Variants in CRLS1 observed in about 807,000 individuals in gnomAD.
CRLS1 encodes cardiolipin synthase 1.
Under a neutral mutation model 37.0 loss-of-function variants are expected in CRLS1, and 24 were observed. The ratio of observed to expected loss-of-function variants is 0.65; its 90% confidence interval spans 0.47 to 0.91. CRLS1 has a LOEUF of 0.91. Ranked by LOEUF, CRLS1 falls within the 40% of genes least tolerant of loss-of-function variation. The pLI, the probability that CRLS1 is intolerant of heterozygous loss-of-function variation, is 0.00. For missense variants in CRLS1, 373 were observed against 395.8 expected (o/e 0.94, Z 0.49); for synonymous variants, 135 against 159.7 (o/e 0.85, Z 1.17).
intron 1 of CRLS1, chr20:6,006,844 G>T (rs1398767429): frequency 1.0e-6 from 1 of 982,952 alleles, no homozygotes; most frequent in Non-Finnish European, 1.2e-6. Context: ...GGTAGCCTTC[G>T]CTTGTCTTAC....
chr20:6,008,816 A>G (rs2090094052), intron 1 of CRLS1, among the ~76,000 whole-genome samples: 2 of 152,216 alleles, frequency 1.3e-5, no homozygotes, highest in Admixed American at 1.3e-4. Flanking sequence ...TCTTTGCAGT[A>G]TTTAAAGCTG....
chr20:6,020,783 C>A (rs186409952), intron 3 of CRLS1, among the ~76,000 whole-genome samples: 41 of 144,774 alleles, frequency 2.8e-4, no homozygotes, highest in Non-Finnish European at 5.4e-4. Flanking sequence ...CCACCACGCC[C>A]GGCTAATTTT....
chr20:6,039,645 A>G lies in CRLS1; in HGVS notation c.*2487A>G, dbSNP rs1980834444. The stretch of plus-strand genomic sequence containing the variant: ...CACGTTCAAACCCCCAGTACTGTAC[A>G]TGTGACCTTATTTGGAAATAGGGTC... On this transcript the variant is annotated 3_prime_UTR_variant, in exon 7 of 7. Coordinates refer to ENST00000378863, the MANE Select transcript of CRLS1 (RefSeq NM_019095.6). 3 of 152,036 alleles carry G rather than the reference A, an allele frequency of 2.0e-5. No homozygotes were observed. The East Asian group carries it at 5.8e-4, about 29-fold the overall frequency. The allele number at this position is 152,036 out of a possible 1,614,324, so 9.4% of individuals were successfully genotyped here.
chr20:6,007,299 ACTC>A, intron 1 of CRLS1: 1 of 1,574,916 alleles, frequency 6.3e-7, no homozygotes, highest in Non-Finnish European at 8.6e-7. Context: ...AGGGGTCTCA[ACTC>A]CACTGATAGC....
At chr20:6,027,152 C>A (rs146161497) in intron 3 of CRLS1, among the ~76,000 whole-genome samples, 1 of 148,850 alleles carries the variant, frequency 6.7e-6, no homozygotes, top group African/African-American at 2.5e-5. Flanking sequence ...GGCGCTATCT[C>A]GGCTCACTGC....
intron 3 of CRLS1, 93 bp downstream of exon 3, chr20:6,015,583 C>A: frequency 7.8e-7 from 1 of 1,276,184 alleles, no homozygotes; most frequent in Admixed American, 1.7e-5. Context: ...AATTTTTGTT[C>A]CAAAAATATA....
chr20:6,026,796 G>A (rs1203860252), intron 3 of CRLS1, among the ~76,000 whole-genome samples: 1 of 152,150 alleles, frequency 6.6e-6, no homozygotes. Context: ...GGTTTTGGGA[G>A]CTAAGCTGTG....
chr20:6,023,807 A>C (rs1055522383), intron 3 of CRLS1, among the ~76,000 whole-genome samples: 4 of 151,892 alleles, frequency 2.6e-5, no homozygotes, highest in Admixed American at 2.0e-4. Context: ...CTATACATAC[A>C]TGCACATACC....
At position 6,015,445 on chromosome 20, in the gene CRLS1, A is replaced by G. The variant is rs769793707; in HGVS notation, c.529A>G (p.Ile177Val). 4.3e-6 allele frequency: 7 copies of G among 1,612,872 alleles called. No individual in the cohort carries two copies. Among genetic ancestry groups the G allele is most frequent in the Non-Finnish European group, 5.9e-6 (7 of 1,179,088 alleles). Residue 177 changes from isoleucine to valine, a missense_variant, in exon 3 of 7, where the codon ATC (isoleucine) becomes GTC (valine). Transcript: ENST00000378863. ...ALDPLADKIL[I>V]SILYVSLTYA... The stretch of plus-strand genomic sequence containing the variant: ...TGATCCACTTGCTGATAAAATACTT[A>G]TCAGTATCTTATATGTTAGCTTGAC...
chr20:6,015,553 A>T lies in CRLS1; in HGVS notation c.574+63A>T, dbSNP rs775534463. ...GAAGAATGACATTAGTCAGCTTAGG[A>T]TTTCTCTTGAGAGACAAATAATTTT... is the stretch of plus-strand genomic sequence containing the variant. On this transcript the variant is annotated intron_variant, in intron 3 of 6. Coordinates refer to ENST00000378863, the MANE Select transcript of CRLS1 (RefSeq NM_019095.6). 4.6e-6 allele frequency: 7 copies of T among 1,506,190 alleles called. No individual in the cohort carries two copies. In the South Asian group the frequency reaches 7.9e-5, roughly 17 times the overall value. 93.3% of individuals were successfully genotyped at this position (1,506,190 alleles called of 1,614,324 possible).
At chr20:6,024,137 A>G (rs1979490280) in intron 3 of CRLS1, among the ~76,000 whole-genome samples, 1 of 152,028 alleles carries the variant, frequency 6.6e-6, no homozygotes, top group South Asian at 2.1e-4. Flanking sequence ...AAATTTTTTT[A>G]TAGAGATGGG....
intron 2 of CRLS1, among the ~76,000 whole-genome samples, chr20:6,012,008 A>G (rs1047409589): frequency 1.3e-5 from 2 of 148,320 alleles, no homozygotes; most frequent in Non-Finnish European, 3.0e-5. Flanking sequence ...CAGTTACTGT[A>G]GTCTCCTTTT....
chr20:6,016,263 T>C (rs1047020285), intron 3 of CRLS1, among the ~76,000 whole-genome samples: 5 of 152,226 alleles, frequency 3.3e-5, no homozygotes, highest in Admixed American at 3.3e-4. Flanking sequence ...TATCATGTTA[T>C]TATTGACACT....
At chr20:6,007,321 G>A in intron 1 of CRLS1, 1 of 1,598,256 alleles carries the variant, frequency 6.3e-7, no homozygotes. Context: ...GCTAAAGCAT[G>A]TTGGGGTTTG....
chr20:6,031,990 A>C, intron 4 of CRLS1, 22 bp from the exon 5 acceptor site: 1 of 1,583,478 alleles, frequency 6.3e-7, no homozygotes, highest in South Asian at 1.1e-5. Context: ...TAATTACTTT[A>C]TCTTTTTTGG....
chr20:6,011,177 A>C (rs939282780), intron 2 of CRLS1, among the ~76,000 whole-genome samples: 1 of 152,236 alleles, frequency 6.6e-6, no homozygotes, highest in Non-Finnish European at 1.5e-5. Context: ...ATGAGCATCC[A>C]GACAGGCGGT....
At chr20:6,023,790 G>A (rs1344907218) in intron 3 of CRLS1, among the ~76,000 whole-genome samples, 1 of 149,834 alleles carries the variant, frequency 6.7e-6, no homozygotes, top group Non-Finnish European at 1.5e-5. Context: ...AATGTCATTC[G>A]GGATATCTAT....
intron 1 of CRLS1, chr20:6,007,300 C>A: frequency 6.3e-7 from 1 of 1,575,832 alleles, no homozygotes; most frequent in Non-Finnish European, 8.6e-7. Flanking sequence ...GGGGTCTCAA[C>A]TCCACTGATA....
At chr20:6,036,098 C>T (rs2123035190) in intron 6 of CRLS1, among the ~76,000 whole-genome samples, 1 of 152,190 alleles carries the variant, frequency 6.6e-6, no homozygotes, top group Non-Finnish European at 1.5e-5. Flanking sequence ...AGCCACTGTG[C>T]CCAGCCACTA....
Sources: allele counts gnomAD v4.1 joint callset (sites outside exome capture counted in the v4.1 genomes callset), GRCh38; gene constraint gnomAD v4.1.1; transcripts MANE v1.5; gene names NCBI Gene and HGNC (gene_info 2026-07-23, HGNC 2026-07-21).